KIAA0930: variants seen among roughly 807,000 people sequenced by gnomAD.
The protein encoded by KIAA0930 is uncharacterized protein KIAA0930.
In KIAA0930, 24 loss-of-function variants were observed where a neutral mutation model predicts 43.9. The ratio of observed to expected loss-of-function variants is 0.55; its 90% confidence interval spans 0.40 to 0.77. The LOEUF is 0.77. KIAA0930 is among the 30% of genes least tolerant of loss of function. The pLI is 0.00. For missense variants in KIAA0930, 461 were observed against 574.2 expected (o/e 0.80, Z 2.02); for synonymous variants, 259 against 216.4 (o/e 1.20, Z -1.73).
intron 1 of KIAA0930, among the ~76,000 whole-genome samples, chr22:45,229,317 A>C (rs1463332097): frequency 3.3e-4 from 1 of 3,042 alleles, no homozygotes; most frequent in Non-Finnish European, 1.3e-3. Flanking sequence ...ATCCCTCTCC[A>C]CATCCCCACC....
At chr22:45,230,844 T>C (rs2083848676) in intron 1 of KIAA0930, among the ~76,000 whole-genome samples, 1 of 151,718 alleles carries the variant, frequency 6.6e-6, no homozygotes, top group African/African-American at 2.4e-5. Context: ...CCTCCCAAAG[T>C]GCTGGGATTA....
Position 45,193,464 on chromosome 22 carries a change from C to T in KIAA0930, c.*3712G>A, listed in dbSNP as rs942893920. Reference sequence around the variant, plus strand: ...TTTTACTTTGTTCTTCAAAAGTCTTCTACTAACTAGTCTATTTATGATTAA... The same window carrying T: ...TTTTACTTTGTTCTTCAAAAGTCTTTTACTAACTAGTCTATTTATGATTAA... On this transcript the variant is annotated 3_prime_UTR_variant, in exon 10 of 10. Transcript: ENST00000336156. 1 of 152,152 alleles carries T rather than the reference C, an allele frequency of 6.6e-6. No homozygotes were observed. The highest frequency in any genetic ancestry group is 1.5e-5 in the Non-Finnish European group (1 of 68,044). 9.4% of individuals were successfully genotyped at this position (152,152 alleles called of 1,614,324 possible). A position where few individuals can be genotyped will look rare whatever the true frequency, so the allele number is the denominator to read the frequency against.
chr22:45,240,216 CCAA>C (rs1345825839), intron 1 of KIAA0930, among the ~76,000 whole-genome samples: 1 of 152,240 alleles, frequency 6.6e-6, no homozygotes, highest in Admixed American at 6.5e-5. Context: ...CACCCAGAGC[CCAA>C]CGAGGGCCCG....
chr22:45,200,904 T>C (rs369383528), intron 7 of KIAA0930: 42 of 475,016 alleles, frequency 8.8e-5, no homozygotes, highest in Non-Finnish European at 1.8e-5. Flanking sequence ...GAAGGCTTCC[T>C]GGAGGAGATG....
chr22:45,228,182 G>A (rs907966356), intron 1 of KIAA0930, among the ~76,000 whole-genome samples: 4 of 152,064 alleles, frequency 2.6e-5, no homozygotes, highest in African/African-American at 7.3e-5. Flanking sequence ...GATTCTTCTC[G>A]CTTGTCTTGC....
intron 4 of KIAA0930, 98 bp from the exon 5 acceptor site, chr22:45,205,416 C>A: frequency 3.6e-6 from 4 of 1,114,310 alleles, no homozygotes; most frequent in Non-Finnish European, 5.4e-6. Context: ...CGGCCCAGAG[C>A]CAGTCCAAAG....
intron 2 of KIAA0930, among the ~76,000 whole-genome samples, chr22:45,209,326 G>A (rs1488228956): frequency 2.0e-5 from 3 of 152,090 alleles, no homozygotes; most frequent in African/African-American, 2.4e-5. Context: ...TGCCAGGGGG[G>A]GTCTCCCCGT....
intron 1 of KIAA0930, chr22:45,213,413 A>G: frequency 7.7e-7 from 1 of 1,298,624 alleles, no homozygotes; most frequent in Non-Finnish European, 1.0e-6. Context: ...TGGGTCAGCG[A>G]GCCTTGTCAG....
At chr22:45,227,189 A>C (rs2083807276) in intron 1 of KIAA0930, among the ~76,000 whole-genome samples, 1 of 152,196 alleles carries the variant, frequency 6.6e-6, no homozygotes, top group East Asian at 1.9e-4. Flanking sequence ...AGGCAACGAC[A>C]CACCACACAG....
At chr22:45,232,573 CTGGT>C (rs1450074735) in intron 1 of KIAA0930, among the ~76,000 whole-genome samples, 1 of 152,170 alleles carries the variant, frequency 6.6e-6, no homozygotes, top group Non-Finnish European at 1.5e-5. Flanking sequence ...TAGGGCTAGG[CTGGT>C]TGAATTCTGG....
chr22:45,213,268 C>T, intron 1 of KIAA0930: 1 of 1,279,194 alleles, frequency 7.8e-7, no homozygotes, highest in Non-Finnish European at 1.0e-6. Flanking sequence ...GCCCTCAGCC[C>T]TCAGCCCTCT....
At chr22:45,206,254 T>A (rs1015639684) in intron 2 of KIAA0930, among the ~76,000 whole-genome samples, 14 of 152,304 alleles carry the variant, frequency 9.2e-5, no homozygotes, top group African/African-American at 3.4e-4. Context: ...TGGGCTCAGG[T>A]GATCCTCCTG....
intron 6 of KIAA0930, 48 bp downstream of exon 6, chr22:45,203,797 G>A (rs754411353): frequency 3.4e-5 from 54 of 1,591,368 alleles, no homozygotes; most frequent in African/African-American, 5.4e-5. Flanking sequence ...CTGTGGAGCC[G>A]CCGTCCCCGG....
chr22:45,213,285 T>A (rs569688399), intron 1 of KIAA0930: 1 of 1,296,358 alleles, frequency 7.7e-7, no homozygotes, highest in Non-Finnish European at 1.0e-6. Flanking sequence ...CTCTGCCCTC[T>A]GCCCTCAGCC....
chr22:45,234,075 G>A (rs982336595), intron 1 of KIAA0930, among the ~76,000 whole-genome samples: 1 of 152,340 alleles, frequency 6.6e-6, no homozygotes, highest in South Asian at 2.1e-4. Context: ...GGAGAGGCTG[G>A]TTGAATTCTG....
rs367979828 is a variant in KIAA0930, at chr22:45,203,869, C to T, written c.633G>A (p.Ala211=). ...CCCGGTTGTCATACACCTTCTTGAGCGCCTCGTAGCGGATGGAGCCCTGAA... is the reference window on the plus strand; with the variant it reads ...CCCGGTTGTCATACACCTTCTTGAGTGCCTCGTAGCGGATGGAGCCCTGAA... The part of the protein sequence containing the change: ...VIFQGSIRYE[A]LKKVYDNRVS... The change falls in exon 6 of 10, where the codon GCG becomes GCA. Residue 211 remains alanine (A), a synonymous_variant. Coordinates refer to ENST00000336156, the MANE Select transcript of KIAA0930 (RefSeq NM_001009880.2). 4.7e-5 allele frequency: 76 copies of T among 1,613,918 alleles called. No individual in the cohort carries two copies. Among genetic ancestry groups the T allele is most frequent in the Admixed American group, 3.5e-4 (21 of 59,988 alleles).
chr22:45,218,465 T>G (rs950473745), intron 1 of KIAA0930, among the ~76,000 whole-genome samples: 1 of 149,468 alleles, frequency 6.7e-6, no homozygotes, highest in Non-Finnish European at 1.5e-5. Flanking sequence ...ATTACAGGTG[T>G]GAGCCACTAC....
chr22:45,225,100 G>GA (rs952831446), intron 1 of KIAA0930, among the ~76,000 whole-genome samples: 3 of 152,090 alleles, frequency 2.0e-5, no homozygotes, highest in African/African-American at 4.8e-5. Flanking sequence ...ACTCTTTGGG[G>GA]AGAGTCCAGG....
chr22:45,200,106 T>G, intron 7 of KIAA0930, 71 bp from the exon 8 acceptor site: 1 of 1,435,430 alleles, frequency 7.0e-7, no homozygotes, highest in Non-Finnish European at 9.3e-7. Context: ...ACGCCCCTCC[T>G]ATCCCACCCT....
Sources: allele counts gnomAD v4.1 joint callset (sites outside exome capture counted in the v4.1 genomes callset), GRCh38; gene constraint gnomAD v4.1.1; transcripts MANE v1.5; gene names NCBI Gene and HGNC (gene_info 2026-07-23, HGNC 2026-07-21).